NLRP5: variants seen among roughly 807,000 people sequenced by gnomAD.
NLRP5 encodes NLR family pyrin domain containing 5, also known as NACHT, LRR and PYD domains-containing protein 5.
A neutral mutation model predicts 113.1 loss-of-function variants in NLRP5; 93 were observed. The ratio of observed to expected loss-of-function variants is 0.82; its 90% CI spans 0.70 to 0.98. NLRP5 has a LOEUF of 0.98. Ranked by LOEUF, NLRP5 falls within the 50% of genes least tolerant of loss-of-function variation. NLRP5 has a pLI of 0.00. For synonymous variants in NLRP5, 751 were observed against 600.7 expected (o/e 1.25, Z -3.66); for missense variants, 1,808 against 1,514.3 (o/e 1.19, Z -3.22).
rs1323830196 is a variant in NLRP5, at chr19:56,028,260, C to A, written c.2027C>A (p.Pro676His). The A allele has an allele frequency of 6.2e-7, 1 of 1,613,826 alleles. No homozygotes were observed. The highest frequency in any genetic ancestry group is 1.3e-5 in the African/African-American group (1 of 74,926). The change falls in exon 7 of 15, where the codon CCT becomes CAT. Residue 676 changes from proline (P) to histidine (H), a missense_variant. Transcript: ENST00000390649. ...TGGGTCTCTCTGTTGGGTCAGCAGC[C>A]TAATGCCACCACCCCAGGAGACACC...
At chr19:56,023,163 G>T (rs1210246554) in intron 6 of NLRP5, among the ~76,000 whole-genome samples, 1 of 152,202 alleles carries the variant, frequency 6.6e-6, no homozygotes, top group Non-Finnish European at 1.5e-5. Flanking sequence ...GTATAGACGT[G>T]ATAATTAAAT....
chr19:56,041,176 A>AG (rs1983509483), intron 11 of NLRP5, 84 bp downstream of exon 11: 1 of 1,372,300 alleles, frequency 7.3e-7, no homozygotes, highest in African/African-American at 1.4e-5. Context: ...GGCAGTGGGG[A>AG]GGGGGTGTGG....
At position 56,058,389 on chromosome 19, in the gene NLRP5, C is replaced by A; in HGVS notation, c.3449C>A (p.Thr1150Lys). ...CTGTGTTCGGCCTTTGCCTGTCCCA[C>A]GTCTAACTTACAGATAATTGGGTAA... is the stretch of plus-strand genomic sequence containing the variant. The change falls in exon 14 of 15, where the codon ACG (threonine) becomes AAG (lysine). Residue 1150 changes from threonine (T) to lysine (K), a missense_variant. Physicochemically the swap from Thr to Lys is moderately conservative, Grantham distance 78. Transcript: ENST00000390649. 6.2e-7 allele frequency: 1 copy of A among 1,613,552 alleles called. No homozygotes were observed. The highest frequency in any genetic ancestry group is 8.5e-7 in the Non-Finnish European group (1 of 1,179,666).
upstream of NLRP5, among the ~76,000 whole-genome samples, chr19:55,994,852 A>G (rs1568476667): frequency 6.6e-6 from 1 of 152,002 alleles, no homozygotes; most frequent in Non-Finnish European, 1.5e-5. Flanking sequence ...AGCTTTCCCT[A>G]TGTTTTCTTC....
chr19:55,990,788 G>A, the NLRP5 span, among the ~76,000 whole-genome samples: 1 of 152,142 alleles, frequency 6.6e-6, no homozygotes, highest in African/African-American at 2.4e-5. Context: ...TGGTGCCACT[G>A]CATTCCAGCC....
Position 56,013,601 on chromosome 19 carries a change from T to G in NLRP5, c.509-2141T>G, listed in dbSNP as rs976054237. 3.9e-3 allele frequency among the ~76,000 whole-genome samples: 518 copies of G among 132,488 alleles called. 20 individuals are homozygous for G. The highest frequency in any genetic ancestry group is 6.5e-3 in the Non-Finnish European group (412 of 63,656). 86.9% of individuals were successfully genotyped at this position (132,488 alleles called of 152,430 possible). A position where few individuals can be genotyped will look rare whatever the true frequency, so the allele number is the denominator to read the frequency against. ...ATCACATGATGGACATTTGGGTTTT[T>G]TTTTTTTTTTTTTTTTGCTATTATG... On this transcript the variant is annotated intron_variant, in intron 3 of 14. Coordinates refer to ENST00000390649, the MANE Select transcript of NLRP5 (RefSeq NM_153447.4).
intron 3 of NLRP5, among the ~76,000 whole-genome samples, chr19:56,010,967 T>C (rs1200765031): frequency 1.3e-5 from 2 of 151,470 alleles, no homozygotes; most frequent in Admixed American, 6.6e-5. Flanking sequence ...ACCTGGGCAA[T>C]GTAGCAAGAC....
chr19:55,992,300 T>G, the NLRP5 span, among the ~76,000 whole-genome samples: 1 of 152,326 alleles, frequency 6.6e-6, no homozygotes, highest in African/African-American at 2.4e-5. Context: ...TCCATGTCTT[T>G]TCTATTGTAA....
At chr19:56,015,552 G>A (rs746823156) in intron 3 of NLRP5, among the ~76,000 whole-genome samples, 190 bp from the exon 4 acceptor site, 1 of 152,144 alleles carries the variant, frequency 6.6e-6, no homozygotes, top group Non-Finnish European at 1.5e-5. Flanking sequence ...ATTTTGAATC[G>A]TCGGATCTTG....
intron 7 of NLRP5, among the ~76,000 whole-genome samples, chr19:56,031,952 G>A (rs1319027255): frequency 7.9e-5 from 12 of 152,086 alleles, no homozygotes; most frequent in African/African-American, 2.4e-4. Flanking sequence ...TAGGTCCTAT[G>A]GTAGCTCTAT....
At chr19:55,998,418 C>T (rs575350823), upstream of NLRP5, among the ~76,000 whole-genome samples, 9 of 152,074 alleles carry the variant, frequency 5.9e-5, no homozygotes, top group South Asian at 1.9e-3. Flanking sequence ...CTTTGGGAGG[C>T]CGAGGCGGGT....
intron 2 of NLRP5, among the ~76,000 whole-genome samples, chr19:56,006,087 T>A (rs1981898956): frequency 6.6e-6 from 1 of 152,078 alleles, no homozygotes; most frequent in African/African-American, 2.4e-5. Flanking sequence ...TAAAAATGAA[T>A]GATAGCCATA....
At chr19:56,039,998 T>C (rs917783108) in intron 10 of NLRP5, among the ~76,000 whole-genome samples, 7 of 152,158 alleles carry the variant, frequency 4.6e-5, no homozygotes, top group Non-Finnish European at 8.8e-5. Flanking sequence ...CTCACTGTTC[T>C]GGAGTACAGT....
At chr19:56,009,828 C>T (rs1302374559) in intron 3 of NLRP5, among the ~76,000 whole-genome samples, 1 of 152,132 alleles carries the variant, frequency 6.6e-6, no homozygotes, top group Non-Finnish European at 1.5e-5. Flanking sequence ...GAGCTTTGCT[C>T]AGGCTGTGGG....
intron 3 of NLRP5, among the ~76,000 whole-genome samples, chr19:56,011,991 C>T (rs1396489720): frequency 6.6e-6 from 1 of 152,016 alleles, no homozygotes; most frequent in East Asian, 1.9e-4. Context: ...CGCACCCAGC[C>T]TAGATCTTAT....
chr19:56,017,394 C>T (rs1184063262), intron 4 of NLRP5, among the ~76,000 whole-genome samples: 4 of 152,060 alleles, frequency 2.6e-5, no homozygotes, highest in African/African-American at 9.7e-5. Flanking sequence ...TATTATATTT[C>T]AGATCTTTCT....
At position 56,027,644 on chromosome 19, in the gene NLRP5, C is replaced by T; in HGVS notation, c.1411C>T (p.Pro471Ser). 1 of 1,613,408 alleles carries T rather than the reference C, an allele frequency of 6.2e-7. No individual in the cohort carries two copies. Among genetic ancestry groups the T allele is most frequent in the Non-Finnish European group, 8.5e-7 (1 of 1,179,894 alleles). ...TGAGCTGCTCGACCAGTGCCAGGTG[C>T]CCGCCGTGGGCTCTCTCATCTGCGT... The change falls in exon 7 of 15, where the codon CCC becomes TCC. Residue 471 changes from proline (P) to serine (S), a missense_variant. Transcript: ENST00000390649.
At chr19:55,997,694 C>A (rs1981369993), upstream of NLRP5, among the ~76,000 whole-genome samples, 1 of 151,922 alleles carries the variant, frequency 6.6e-6, no homozygotes, top group Non-Finnish European at 1.5e-5. Context: ...ACCAAAAATT[C>A]TGGTTAAAAT....
the NLRP5 span, among the ~76,000 whole-genome samples, chr19:55,989,639 T>C: frequency 1.3e-5 from 2 of 152,142 alleles, no homozygotes; most frequent in African/African-American, 4.8e-5. Flanking sequence ...GTCTCTTCCC[T>C]ATTTTCTGCT....
Sources: gnomAD v4.1 joint callset for allele counts (sites outside exome capture counted in the v4.1 genomes callset) on GRCh38, gnomAD v4.1.1 for gene constraint, MANE v1.5 for transcripts, NCBI Gene and HGNC (gene_info 2026-07-23, HGNC 2026-07-21) for gene names.